The following SHC4 variants were observed in gnomAD, a reference collection of about 807,000 sequenced individuals.
SHC4 encodes SHC-transforming protein 4.
In SHC4, 41 loss-of-function variants were observed where a neutral mutation model predicts 69.4. The ratio of observed to expected loss-of-function variants is 0.59; its 90% CI spans 0.46 to 0.77. SHC4 has a LOEUF of 0.77. SHC4 is among the 30% of genes least tolerant of loss of function. SHC4 has a pLI of 0.00. For synonymous variants in SHC4, 318 were observed against 299.3 expected, an observed-to-expected ratio of 1.06 and a Z score of -0.64; for missense variants, 777 against 783.8, an observed-to-expected ratio of 0.99 and a Z score of 0.10.
rs761459387 is a variant in SHC4 at position 48,876,508 on chromosome 15, T to TATATGTGTATATACACATATACAC, written c.841-4367_841-4366insGTGTATATGTGTATATACACATAT. Reference sequence around the variant, plus strand: ...ACACATACATATACACATATATATGTATATATATGTAAAGGGGAGTTCACT... The same window carrying TATATGTGTATATACACATATACAC: ...ACACATACATATACACATATATATGTATATGTGTATATACACATATACACATATATATGTAAAGGGGAGTTCACT... On this transcript the variant is annotated intron_variant, in intron 4 of 11. Transcript: ENST00000332408. The TATATGTGTATATACACATATACAC allele has an allele frequency of 1.0e-5, 6 of 572,948 alleles. No individual in the cohort carries two copies. The South Asian group carries it at 1.4e-4, about 13-fold the overall frequency. The allele number at this position is 572,948 out of a possible 1,614,324, so 35.5% of individuals were successfully genotyped here. A position where few individuals can be genotyped will look rare whatever the true frequency, so the allele number is the denominator to read the frequency against.
intron 3 of SHC4, 33 bp from the exon 4 acceptor site, chr15:48,884,400 G>T: frequency 6.5e-7 from 1 of 1,543,030 alleles, no homozygotes; most frequent in African/African-American, 1.4e-5. Flanking sequence ...ACAAAACACT[G>T]TTAGGAATTT....
At chr15:48,962,335 G>A in intron 1 of SHC4, 96 bp downstream of exon 1, 3 of 1,303,070 alleles carry the variant, frequency 2.3e-6, no homozygotes, top group Non-Finnish European at 3.1e-6. Flanking sequence ...TCCAAACACA[G>A]AACCCAGGCA....
intron 9 of SHC4, among the ~76,000 whole-genome samples, chr15:48,848,893 CCT>C (rs533168095): frequency 9.2e-5 from 14 of 152,102 alleles, no homozygotes; most frequent in African/African-American, 3.1e-4. Flanking sequence ...AACCATGTCC[CCT>C]TTTTCTAGTG....
chr15:48,918,111 T>A (rs1900664274), intron 2 of SHC4, among the ~76,000 whole-genome samples: 1 of 152,132 alleles, frequency 6.6e-6, no homozygotes, highest in Non-Finnish European at 1.5e-5. Context: ...TGTCTAGAGA[T>A]AGCTATGATC....
chr15:48,906,053 T>C (rs1900400505), intron 2 of SHC4, among the ~76,000 whole-genome samples: 1 of 152,208 alleles, frequency 6.6e-6, no homozygotes, highest in Non-Finnish European at 1.5e-5. Flanking sequence ...TGCCAACAGC[T>C]TGTCATGGAA....
At chr15:48,960,945 C>T (rs1359895335) in intron 1 of SHC4, among the ~76,000 whole-genome samples, 2 of 152,146 alleles carry the variant, frequency 1.3e-5, no homozygotes, top group South Asian at 4.2e-4. Flanking sequence ...ACAATGGTAA[C>T]AAAATAATCA....
intron 1 of SHC4, among the ~76,000 whole-genome samples, chr15:48,936,945 CACAG>C (rs979513044): frequency 1.3e-4 from 20 of 152,236 alleles, no homozygotes; most frequent in African/African-American, 4.1e-4. Context: ...CAGACTTGAG[CACAG>C]ACAAAGTCAC....
chr15:48,938,655 A>G (rs1282738643), intron 1 of SHC4, among the ~76,000 whole-genome samples: 1 of 152,186 alleles, frequency 6.6e-6, no homozygotes, highest in East Asian at 1.9e-4. Context: ...ACAGATAGAA[A>G]GCCACCTTCA....
At chr15:48,960,486 T>C (rs995741934) in intron 1 of SHC4, among the ~76,000 whole-genome samples, 1 of 152,224 alleles carries the variant, frequency 6.6e-6, no homozygotes, top group African/African-American at 2.4e-5. Flanking sequence ...GCCATGTCAC[T>C]GTGGGTGAGG....
intron 1 of SHC4, among the ~76,000 whole-genome samples, chr15:48,941,783 G>A (rs1268841981): frequency 1.3e-5 from 2 of 152,170 alleles, no homozygotes; most frequent in African/African-American, 4.8e-5. Context: ...TACAAGTGCA[G>A]TTTTGTTTCA....
intron 11 of SHC4, among the ~76,000 whole-genome samples, chr15:48,832,596 T>G (rs1321100407): frequency 3.9e-5 from 6 of 152,220 alleles, no homozygotes. Context: ...ATTCAGACAT[T>G]ATTTCTTTAA....
chr15:48,888,033 A>C (rs1900067293), intron 3 of SHC4, among the ~76,000 whole-genome samples: 1 of 152,252 alleles, frequency 6.6e-6, no homozygotes, highest in African/African-American at 2.4e-5. Flanking sequence ...AAAATGATAC[A>C]GCTGCTGTAG....
chr15:48,923,216 G>T (rs1313202914), intron 2 of SHC4, among the ~76,000 whole-genome samples: 1 of 152,128 alleles, frequency 6.6e-6, no homozygotes, highest in Non-Finnish European at 1.5e-5. Flanking sequence ...GTACATTTCT[G>T]TTATACGAGA....
intron 10 of SHC4, among the ~76,000 whole-genome samples, chr15:48,838,196 G>A (rs551927915): frequency 6.6e-6 from 1 of 152,234 alleles, no homozygotes; most frequent in South Asian, 2.1e-4. Flanking sequence ...GGTATACAAG[G>A]GGATTATTAT....
At chr15:48,848,716 G>C (rs973442510) in intron 9 of SHC4, among the ~76,000 whole-genome samples, 1 of 152,110 alleles carries the variant, frequency 6.6e-6, no homozygotes, top group Admixed American at 6.5e-5. Context: ...ATAAAACTAA[G>C]ATAATCTGCA....
At position 48,826,118 on chromosome 15, in the gene SHC4, G is replaced by T; in HGVS notation, c.1746C>A (p.Thr582=). ...CGACATTATCAAATACATGATCCTT[G>T]GTCCTCACCTTGAAAAAGAAGTACA... The part of the protein sequence containing the change: ...LLVDPEGKVR[T]KDHVFDNVGH... The change falls in exon 12 of 12, where the codon ACC becomes ACA. Residue 582 remains threonine, a synonymous_variant. Coordinates refer to ENST00000332408, the MANE Select transcript of SHC4 (RefSeq NM_203349.4). The T allele has an allele frequency of 6.2e-7, 1 of 1,605,858 alleles. No individual in the cohort carries two copies. Among genetic ancestry groups the T allele is most frequent in the African/African-American group, 1.3e-5 (1 of 74,512 alleles).
intron 3 of SHC4, among the ~76,000 whole-genome samples, chr15:48,887,586 A>G (rs760140730): frequency 3.3e-4 from 50 of 152,316 alleles, no homozygotes; most frequent in Middle Eastern, 3.4e-3. Context: ...AAAACCTAAC[A>G]TTGTAACTTA....
intron 4 of SHC4, chr15:48,877,821 G>T (rs1426203): frequency 9.5e-5 from 18 of 188,828 alleles, no homozygotes; most frequent in African/African-American, 3.0e-4. Flanking sequence ...GAAGAGGAAG[G>T]GGGGGAAGGA....
At chr15:48,913,747 T>C (rs1900557020) in intron 2 of SHC4, among the ~76,000 whole-genome samples, 1 of 152,114 alleles carries the variant, frequency 6.6e-6, no homozygotes, top group Admixed American at 6.5e-5. Context: ...AATGACCTGC[T>C]AGGGGGCCCA....
Sources: gnomAD v4.1 joint callset for allele counts (sites outside exome capture counted in the v4.1 genomes callset) on GRCh38, gnomAD v4.1.1 for gene constraint, MANE v1.5 for transcripts, NCBI Gene and HGNC (gene_info 2026-07-23, HGNC 2026-07-21) for gene names.